Variants in FSTL5 observed in about 807,000 individuals in gnomAD.
FSTL5 encodes the protein follistatin like 5, also known as follistatin-related protein 5.
In FSTL5, 62 loss-of-function variants were observed where a neutral mutation model predicts 89.1. The ratio of observed to expected loss-of-function variants is 0.70; its 90% CI spans 0.57 to 0.86. The LOEUF (loss-of-function observed/expected upper bound fraction) is 0.86. FSTL5 is among the 40% of genes least tolerant of loss of function. FSTL5 has a pLI of 0.00. For synonymous variants in FSTL5, 383 were observed against 346.2 expected (o/e 1.11, Z -1.18); for missense variants, 1,057 against 1,001.6 (o/e 1.06, Z -0.75).
At chr4:161,873,258 G>C (rs1000483785) in intron 4 of FSTL5, among the ~76,000 whole-genome samples, 7 of 152,008 alleles carry the variant, frequency 4.6e-5, no homozygotes, top group African/African-American at 1.7e-4. Flanking sequence ...GGATAGAATA[G>C]TTGCTTGGTG....
intron 4 of FSTL5, among the ~76,000 whole-genome samples, chr4:161,849,528 TACACACACACACACAC>T (rs35353090): frequency 1.4e-5 from 2 of 147,314 alleles, no homozygotes; most frequent in Admixed American, 1.4e-4. Flanking sequence ...GCCCTCGACC[TACACACACACACACAC>T]ACACACACAC....
At chr4:161,449,321 G>A (rs1435325499) in intron 15 of FSTL5, among the ~76,000 whole-genome samples, 5 of 152,046 alleles carry the variant, frequency 3.3e-5, no homozygotes, top group African/African-American at 1.2e-4. Flanking sequence ...TTTCCTAACT[G>A]CTGCATTTTC....
intron 3 of FSTL5, among the ~76,000 whole-genome samples, chr4:162,027,600 T>C (rs1737346007): frequency 1.3e-5 from 2 of 152,114 alleles, no homozygotes; most frequent in African/African-American, 2.4e-5. Context: ...ATAGTAAAGA[T>C]CATAAATGGA....
intron 1 of FSTL5, among the ~76,000 whole-genome samples, chr4:162,144,990 A>C (rs1257784722): frequency 1.3e-5 from 2 of 148,886 alleles, no homozygotes; most frequent in Non-Finnish European, 3.0e-5. Flanking sequence ...ATATATATTC[A>C]TTGTATGTAT....
intron 6 of FSTL5, among the ~76,000 whole-genome samples, chr4:161,656,719 G>A (rs1736531820): frequency 6.6e-6 from 1 of 152,184 alleles, no homozygotes; most frequent in Non-Finnish European, 1.5e-5. Flanking sequence ...TATTAAGCAT[G>A]AAATGAATAT....
intron 15 of FSTL5, among the ~76,000 whole-genome samples, chr4:161,426,150 T>C (rs1159913040): frequency 6.6e-6 from 1 of 152,146 alleles, no homozygotes; most frequent in Non-Finnish European, 1.5e-5. Context: ...ATTCATTATA[T>C]ATAATGATTA....
chr4:161,830,645 T>G (rs1195819355), intron 4 of FSTL5, among the ~76,000 whole-genome samples: 1 of 152,028 alleles, frequency 6.6e-6, no homozygotes, highest in African/African-American at 2.4e-5. Flanking sequence ...TGCTTTTGTC[T>G]GTTTAACAGA....
intron 1 of FSTL5, among the ~76,000 whole-genome samples, chr4:162,129,475 G>A (rs986510430): frequency 6.6e-6 from 1 of 152,174 alleles, no homozygotes; most frequent in African/African-American, 2.4e-5. Context: ...TATACTTGAT[G>A]TTACATAGCA....
chr4:161,656,668 C>T (rs1736529580), intron 6 of FSTL5, among the ~76,000 whole-genome samples, 174 bp from the exon 7 acceptor site: 2 of 152,074 alleles, frequency 1.3e-5, no homozygotes, highest in Non-Finnish European at 2.9e-5. Context: ...AATGACATTT[C>T]AATTTAATTG....
At chr4:161,505,447 G>A (rs1730445783) in intron 11 of FSTL5, among the ~76,000 whole-genome samples, 1 of 152,118 alleles carries the variant, frequency 6.6e-6, no homozygotes. Context: ...TGTTAATCCA[G>A]GAAGTGGGTA....
chr4:162,121,683 A>G (rs1035896544), intron 1 of FSTL5, among the ~76,000 whole-genome samples: 3 of 152,048 alleles, frequency 2.0e-5, no homozygotes, highest in African/African-American at 7.2e-5. Flanking sequence ...TCTACTGTGT[A>G]TCAGCTTTGC....
chr4:161,862,844 T>C (rs1306537399), intron 4 of FSTL5, among the ~76,000 whole-genome samples: 1 of 152,218 alleles, frequency 6.6e-6, no homozygotes, highest in African/African-American at 2.4e-5. Context: ...GTACTTTTGT[T>C]ATAATGAAAA....
At chr4:161,854,002 C>T (rs1012149877) in intron 4 of FSTL5, among the ~76,000 whole-genome samples, 16 of 152,102 alleles carry the variant, frequency 1.1e-4, no homozygotes, top group Non-Finnish European at 1.0e-4. Flanking sequence ...TCATCTACCA[C>T]CATAGTAAAT....
intron 15 of FSTL5, among the ~76,000 whole-genome samples, chr4:161,389,198 T>G (rs969210144): frequency 1.3e-5 from 2 of 152,128 alleles, no homozygotes; most frequent in Non-Finnish European, 2.9e-5. Context: ...CTTTCATGCC[T>G]GCTTAGTATA....
rs1037660564 is a variant in FSTL5 at position 161,874,616 on chromosome 4, T to G, written c.409+45788A>C. Among the ~76,000 whole-genome samples the G allele has an allele frequency of 4.0e-5, 6 of 148,286 alleles. 1 individual carries two copies. The South Asian group carries it at 1.3e-3, about 32-fold the overall frequency. Reference sequence around the variant, plus strand: ...CTCTATTTTTCTTCTCTCAGAATCTTTGATGATTTCCATCTCTTTGTCTGT... The same window carrying G: ...CTCTATTTTTCTTCTCTCAGAATCTGTGATGATTTCCATCTCTTTGTCTGT... On this transcript the variant is annotated intron_variant, in intron 4 of 15. Coordinates refer to ENST00000306100, the MANE Select transcript of FSTL5 (RefSeq NM_020116.5).
chr4:161,873,471 T>A (rs959050040), intron 4 of FSTL5, among the ~76,000 whole-genome samples: 3 of 151,158 alleles, frequency 2.0e-5, no homozygotes, highest in Admixed American at 1.3e-4. Flanking sequence ...ATAATAAAAT[T>A]ATTTCCTTAG....
chr4:161,695,824 G>A (rs534479329), intron 6 of FSTL5, among the ~76,000 whole-genome samples: 8 of 151,726 alleles, frequency 5.3e-5, no homozygotes, highest in African/African-American at 1.5e-4. Flanking sequence ...TTTTCTTGTC[G>A]ATTTGTTTGA....
intron 6 of FSTL5, among the ~76,000 whole-genome samples, chr4:161,669,111 C>CAAAAAAAAAAAAAAAAAAA (rs33950474): frequency 1.9e-5 from 2 of 104,650 alleles, no homozygotes; most frequent in East Asian, 3.0e-4. Context: ...GACTCTGTCT[C>CAAAAAAAAAAAAAAAAAAA]AAAAAAAAAA....
At chr4:161,630,799 A>C (rs917797744) in intron 7 of FSTL5, among the ~76,000 whole-genome samples, 1 of 152,208 alleles carries the variant, frequency 6.6e-6, no homozygotes, top group Non-Finnish European at 1.5e-5. Flanking sequence ...TCATTCTTTG[A>C]GTCACATGGC....
Sources: allele counts gnomAD v4.1 joint callset (sites outside exome capture counted in the v4.1 genomes callset), GRCh38; gene constraint gnomAD v4.1.1; transcripts MANE v1.5; gene names NCBI Gene and HGNC (gene_info 2026-07-23, HGNC 2026-07-21).